The following LINGO1 variants were observed in gnomAD, a reference collection of about 807,000 sequenced individuals.
LINGO1 encodes leucine-rich repeat and immunoglobulin-like domain-containing nogo receptor-interacting protein 1.
Under a neutral mutation model 37.3 loss-of-function variants are expected in LINGO1, and 11 were observed. The ratio of observed to expected loss-of-function variants is 0.29; its 90% confidence interval spans 0.19 to 0.49. The LOEUF (loss-of-function observed/expected upper bound fraction) is 0.49. Ranked by LOEUF, LINGO1 falls within the 20% of genes least tolerant of loss-of-function variation. The pLI, the probability that LINGO1 is intolerant of heterozygous loss-of-function variation, is 0.99. For synonymous variants in LINGO1, 387 were observed against 403.0 expected, an observed-to-expected ratio of 0.96 and a Z score of 0.48; for missense variants, 585 against 878.2, an observed-to-expected ratio of 0.67 and a Z score of 4.22.
At chr15:77,630,582 TC>T (rs2142592363) in intron 1 of LINGO1, among the ~76,000 whole-genome samples, 1 of 152,106 alleles carries the variant, frequency 6.6e-6, no homozygotes, top group Non-Finnish European at 1.5e-5. Flanking sequence ...TCTCTCCACC[TC>T]CCTCCCAGTC....
At chr15:77,778,968 C>T (rs1010918691) in intron 1 of LINGO1, among the ~76,000 whole-genome samples, 4 of 151,886 alleles carry the variant, frequency 2.6e-5, no homozygotes, top group African/African-American at 9.7e-5. Context: ...ACCACTCACG[C>T]CCACCGCCTT....
At chr15:77,767,545 G>C (rs1374844451) in intron 1 of LINGO1, among the ~76,000 whole-genome samples, 2 of 152,140 alleles carry the variant, frequency 1.3e-5, no homozygotes, top group African/African-American at 4.8e-5. Context: ...GAATCCCCAG[G>C]GTCATGGAGA....
At chr15:77,771,758 C>T (rs906602220) in intron 1 of LINGO1, among the ~76,000 whole-genome samples, 1 of 152,136 alleles carries the variant, frequency 6.6e-6, no homozygotes, top group Non-Finnish European at 1.5e-5. Context: ...GCCTACATGT[C>T]GACAGGGTGT....
chr15:77,685,462 C>T (rs1481384676), intron 2 of LINGO1, among the ~76,000 whole-genome samples: 1 of 152,158 alleles, frequency 6.6e-6, no homozygotes, highest in Non-Finnish European at 1.5e-5. Context: ...ATGGTGCTCC[C>T]TGGGGATGTC....
chr15:77,617,592 C>T (rs2073772572), intron 1 of LINGO1, among the ~76,000 whole-genome samples: 1 of 152,216 alleles, frequency 6.6e-6, no homozygotes, highest in Non-Finnish European at 1.5e-5. Context: ...TCTCCCACCC[C>T]TTCCCACACC....
At chr15:77,638,247 G>T (rs572915327), upstream of LINGO1, among the ~76,000 whole-genome samples, 14 of 152,206 alleles carry the variant, frequency 9.2e-5, no homozygotes, top group African/African-American at 3.4e-4. Context: ...TTGGTCTGGG[G>T]CCAGTCCGTA....
intron 3 of LINGO1, chr15:77,649,117 G>C (rs975380561): frequency 2.0e-5 from 3 of 152,234 alleles, no homozygotes; most frequent in Admixed American, 6.5e-5. Context: ...TGGACTAGAC[G>C]TGGTAGTGAC....
At chr15:77,772,763 C>T (rs1461188556) in intron 1 of LINGO1, among the ~76,000 whole-genome samples, 1 of 152,048 alleles carries the variant, frequency 6.6e-6, no homozygotes, top group African/African-American at 2.4e-5. Flanking sequence ...GTAATAAAGC[C>T]AGAAAAGCCC....
At chr15:77,652,892 C>T (rs2074792610) in intron 3 of LINGO1, among the ~76,000 whole-genome samples, 1 of 152,134 alleles carries the variant, frequency 6.6e-6, no homozygotes, top group African/African-American at 2.4e-5. Context: ...GTTTCCTTCC[C>T]TGACTGTGAG....
intron 1 of LINGO1, chr15:77,785,021 T>C (rs898850971): frequency 2.0e-5 from 3 of 152,258 alleles, no homozygotes; most frequent in Non-Finnish European, 4.4e-5. Flanking sequence ...TGAAAAAGCA[T>C]GATGTGTGGA....
At chr15:77,653,299 C>A (rs1221913423) in intron 3 of LINGO1, among the ~76,000 whole-genome samples, 2 of 152,152 alleles carry the variant, frequency 1.3e-5, no homozygotes, top group African/African-American at 4.8e-5. Flanking sequence ...CCCCACCAGG[C>A]CTTGGCTACT....
chr15:77,623,425 C>A (rs1370526805), intron 1 of LINGO1, among the ~76,000 whole-genome samples: 1 of 152,222 alleles, frequency 6.6e-6, no homozygotes, highest in Non-Finnish European at 1.5e-5. Flanking sequence ...CAGGGCTAAT[C>A]CCCGCTGAGG....
intron 1 of LINGO1, among the ~76,000 whole-genome samples, chr15:77,626,309 T>C (rs1193960527): frequency 7.1e-6 from 1 of 141,468 alleles, no homozygotes; most frequent in Non-Finnish European, 1.5e-5. Context: ...GGGGAAAAGA[T>C]TGAAAAATAA....
intron 2 of LINGO1, chr15:77,795,893 C>G (rs1383641976): frequency 6.6e-6 from 1 of 152,366 alleles, no homozygotes; most frequent in Non-Finnish European, 1.5e-5. Context: ...GCCTCCCCTA[C>G]AGACCCCACA....
At position 77,632,582 on chromosome 15, in the gene LINGO1, G is replaced by A. The variant is rs2074292596; in HGVS notation, c.-267C>T. The A allele has an allele frequency of 5.9e-6, 1 of 170,160 alleles. No individual in the cohort carries two copies. The highest frequency in any genetic ancestry group is 6.5e-5 in the Admixed American group (1 of 15,502). The allele number at this position is 170,160 out of a possible 1,614,324, so 10.5% of individuals were successfully genotyped here. The stretch of plus-strand genomic sequence containing the variant: ...GCGGGCGGATGGGCGGGCGCGCTCA[G>A]GCCGCGGGACAGGGGCTGCGCGAGC... On this transcript the variant is annotated 5_prime_UTR_variant, in exon 1 of 2. Transcript: ENST00000355300. This position sits in a 1 kb window ranked among gnomAD's most constrained non-coding sequence, Gnocchi z 6.0.
intron 1 of LINGO1, among the ~76,000 whole-genome samples, chr15:77,622,346 G>C (rs56343471): frequency 0.017 from 2,651 of 152,150 alleles, 77 homozygotes; most frequent in African/African-American, 0.06. Context: ...GGAAGGGAGA[G>C]ACAGAGGCCA....
intron 3 of LINGO1, among the ~76,000 whole-genome samples, chr15:77,650,850 AAG>A (rs1220459758): frequency 6.6e-6 from 1 of 152,122 alleles, no homozygotes; most frequent in East Asian, 1.9e-4. Context: ...GGATATGGGA[AAG>A]AGAGGGTGGG....
At chr15:77,664,170 T>TGTGTGTGCGCGCGCGC in intron 3 of LINGO1, among the ~76,000 whole-genome samples, 17 of 130,938 alleles carry the variant, frequency 1.3e-4, no homozygotes, top group African/African-American at 6.2e-4. Context: ...TGTGTGTGTG[T>TGTGTGTGCGCGCGCGC]GCGCGCGCGC....
chr15:77,732,984 C>G lies in LINGO1; in HGVS notation c.-195+2008G>C, dbSNP rs892534792. 2.0e-5 allele frequency among the ~76,000 whole-genome samples: 3 copies of G among 152,346 alleles called. No individual in the cohort carries two copies. The South Asian group carries it at 6.2e-4, about 32-fold the overall frequency. On this transcript the variant is annotated intron_variant, in intron 2 of 3. Transcript: ENST00000561686. The stretch of plus-strand genomic sequence containing the variant: ...GCCGGCCTCCTGGATTGGAGCCTGT[C>G]CCTTCCCAGCTCTCCCCTGAATGGC...
Sources: allele counts gnomAD v4.1 joint callset (sites outside exome capture counted in the v4.1 genomes callset), GRCh38; gene constraint gnomAD v4.1.1; non-coding constraint Gnocchi (gnomAD v3.1); transcripts MANE v1.5; gene names NCBI Gene and HGNC (gene_info 2026-07-23, HGNC 2026-07-21).